Variants in FLRT2 observed in about 807,000 individuals in gnomAD.
The protein encoded by FLRT2 is leucine-rich repeat transmembrane protein FLRT2.
Under a neutral mutation model 40.0 loss-of-function variants are expected in FLRT2, and 15 were observed. The observed-to-expected ratio is 0.38, with a 90% confidence interval of 0.25 to 0.58. FLRT2 has a LOEUF of 0.58. Ranked by LOEUF, FLRT2 falls within the 20% of genes least tolerant of loss-of-function variation. The pLI is 0.71. For missense variants in FLRT2, 726 were observed against 840.0 expected (o/e 0.86, Z 1.68); for synonymous variants, 380 against 336.8 (o/e 1.13, Z -1.41).
At chr14:85,535,339 T>A in intron 1 of FLRT2, among the ~76,000 whole-genome samples, 1 of 116,218 alleles carries the variant, frequency 8.6e-6, no homozygotes, top group Admixed American at 9.3e-5. Context: ...AAATATCCAA[T>A]GAAAAGCCCC....
intron 1 of FLRT2, among the ~76,000 whole-genome samples, chr14:85,614,167 C>T (rs990061924): frequency 1.3e-5 from 2 of 152,082 alleles, no homozygotes; most frequent in East Asian, 1.9e-4. Flanking sequence ...AGAGAAGTGA[C>T]GCAGTGTGCC....
intron 1 of FLRT2, among the ~76,000 whole-genome samples, chr14:85,570,706 C>T (rs1009230806): frequency 5.9e-5 from 9 of 151,642 alleles, no homozygotes; most frequent in African/African-American, 9.7e-5. Context: ...CTCAGCCTCC[C>T]GAGTAGCTGG....
At chr14:85,559,352 A>C (rs1294937438) in intron 1 of FLRT2, 1 of 152,210 alleles carries the variant, frequency 6.6e-6, no homozygotes, top group Non-Finnish European at 1.5e-5. Context: ...ATGAACTTTG[A>C]GCTGGTCATT....
At chr14:85,613,676 C>T (rs1339073928) in intron 1 of FLRT2, among the ~76,000 whole-genome samples, 6 of 152,128 alleles carry the variant, frequency 3.9e-5, no homozygotes, top group African/African-American at 7.2e-5. Flanking sequence ...ATGCCTGCCA[C>T]GTATGGCTGT....
rs1366547270 is a variant in FLRT2, at chr14:85,634,816, A to C, written c.*11319A>C. 6.6e-6 allele frequency: 1 copy of C among 152,174 alleles called. No individual in the cohort carries two copies. Among genetic ancestry groups the C allele is most frequent in the Non-Finnish European group, 1.5e-5 (1 of 68,026 alleles). The allele number at this position is 152,174 out of a possible 1,614,324, so 9.4% of individuals were successfully genotyped here. Reference sequence around the variant, plus strand: ...TAGTGTGCAAAAAGTTGGGCTATATAACTCAAATCTCCTTTGTATCTTGGA... The same window carrying C: ...TAGTGTGCAAAAAGTTGGGCTATATCACTCAAATCTCCTTTGTATCTTGGA... On this transcript the variant is annotated 3_prime_UTR_variant, in exon 2 of 2. Transcript: ENST00000330753.
chr14:85,602,746 G>A (rs1002786144), intron 1 of FLRT2, among the ~76,000 whole-genome samples: 7 of 152,116 alleles, frequency 4.6e-5, no homozygotes, highest in Non-Finnish European at 8.8e-5. Flanking sequence ...TGTCACAAAC[G>A]GATGGTGTCT....
chr14:85,634,072 A>G lies in FLRT2; in HGVS notation c.*10575A>G, dbSNP rs574870303. 27 of 152,326 alleles carry G rather than the reference A, an allele frequency of 1.8e-4. No individual in the cohort carries two copies. The highest frequency in any genetic ancestry group is 6.3e-4 in the African/African-American group (26 of 41,566). 9.4% of individuals were successfully genotyped at this position (152,326 alleles called of 1,614,324 possible). A position where few individuals can be genotyped will look rare whatever the true frequency, so the allele number is the denominator to read the frequency against. ...AGCTGGTTGTTATTAACAGGCATGC[A>G]TCCTCTTCAGCTGGATCACGTTGTT... On this transcript the variant is annotated 3_prime_UTR_variant, in exon 2 of 2. Transcript: ENST00000330753.
chr14:85,543,091 G>A (rs1001234704), intron 1 of FLRT2, among the ~76,000 whole-genome samples: 1 of 152,152 alleles, frequency 6.6e-6, no homozygotes, highest in Non-Finnish European at 1.5e-5. Context: ...TAAGTTTAGA[G>A]TTTATTGTAA....
intron 1 of FLRT2, among the ~76,000 whole-genome samples, chr14:85,616,633 G>A (rs1252844354): frequency 4.6e-5 from 7 of 152,064 alleles, no homozygotes; most frequent in Non-Finnish European, 1.0e-4. Context: ...CTATCCTTCC[G>A]ATTTTCACAG....
chr14:85,586,982 T>C (rs1473198367), intron 1 of FLRT2, among the ~76,000 whole-genome samples: 1 of 152,174 alleles, frequency 6.6e-6, no homozygotes, highest in East Asian at 1.9e-4. Flanking sequence ...GACCAGTATA[T>C]ATTCTCCTGC....
chr14:85,639,636 G>T lies in FLRT2; in HGVS notation c.*16139G>T, dbSNP rs1894099177. On this transcript the variant is annotated 3_prime_UTR_variant, in exon 2 of 2. Coordinates refer to ENST00000330753, the MANE Select transcript of FLRT2 (RefSeq NM_013231.6). ...TTGGCTAAAATTAGAGTGTGTGTTAGTAGAATTTATATTTATAGACTATTG... is the reference window on the plus strand; with the variant it reads ...TTGGCTAAAATTAGAGTGTGTGTTATTAGAATTTATATTTATAGACTATTG... 6.6e-6 allele frequency: 1 copy of T among 151,948 alleles called. No homozygotes were observed. The highest frequency in any genetic ancestry group is 2.4e-5 in the African/African-American group (1 of 41,372). The allele number at this position is 151,948 out of a possible 1,614,324, so 9.4% of individuals were successfully genotyped here. A position where few individuals can be genotyped will look rare whatever the true frequency, so the allele number is the denominator to read the frequency against.
intron 1 of FLRT2, among the ~76,000 whole-genome samples, chr14:85,583,635 C>G (rs780256899): frequency 1.3e-5 from 2 of 152,094 alleles, no homozygotes; most frequent in African/African-American, 2.4e-5. Context: ...GCTCCTGGTC[C>G]GCTTAAAGAA....
intron 1 of FLRT2, among the ~76,000 whole-genome samples, chr14:85,571,782 G>A (rs1890903084): frequency 6.6e-6 from 1 of 152,140 alleles, no homozygotes; most frequent in Non-Finnish European, 1.5e-5. Flanking sequence ...GCTCTCAGTG[G>A]CTCTTGTTTC....
Position 85,636,346 on chromosome 14 carries a change from A to G in FLRT2, c.*12849A>G. On this transcript the variant is annotated 3_prime_UTR_variant, in exon 2 of 2. Coordinates refer to ENST00000330753, the MANE Select transcript of FLRT2 (RefSeq NM_013231.6). ...ACCTGGCAGTTTAAAGAACATCACT[A>G]ACATTGCCTAAATGTAGGAAAATCA... The G allele has an allele frequency of 6.8e-6, 1 of 148,084 alleles. No homozygotes were observed. The highest frequency in any genetic ancestry group is 2.2e-4 in the South Asian group (1 of 4,584). The allele number at this position is 148,084 out of a possible 1,614,324, so 9.2% of individuals were successfully genotyped here.
At chr14:85,608,049 G>A (rs1446017793) in intron 1 of FLRT2, among the ~76,000 whole-genome samples, 1 of 151,700 alleles carries the variant, frequency 6.6e-6, no homozygotes, top group Non-Finnish European at 1.5e-5. Flanking sequence ...CAGTCATATT[G>A]GATTAGGCCC....
intron 1 of FLRT2, among the ~76,000 whole-genome samples, chr14:85,619,188 A>G (rs1467604982): frequency 6.6e-6 from 1 of 151,478 alleles, no homozygotes; most frequent in African/African-American, 2.4e-5. Flanking sequence ...GGCTCTGGCA[A>G]TCCTCCCACC....
At chr14:85,545,600 A>ATTAG (rs1034689398) in intron 1 of FLRT2, among the ~76,000 whole-genome samples, 2 of 152,340 alleles carry the variant, frequency 1.3e-5, no homozygotes, top group South Asian at 4.1e-4. Flanking sequence ...CTAAGAAATC[A>ATTAG]TTAGTTAGTC....
intron 1 of FLRT2, among the ~76,000 whole-genome samples, chr14:85,604,933 A>G (rs2746998): frequency 0.48 from 72,379 of 151,914 alleles, 17,649 homozygotes; most frequent in East Asian, 0.77. Flanking sequence ...TAGTGCCGAC[A>G]TGATTCTTTG....
chr14:85,596,869 G>T (rs768381391), intron 1 of FLRT2, among the ~76,000 whole-genome samples: 2 of 152,154 alleles, frequency 1.3e-5, no homozygotes, highest in Non-Finnish European at 2.9e-5. Flanking sequence ...TGGCCTTAAC[G>T]ATTTGATTCT....
Sources: allele counts gnomAD v4.1 joint callset (sites outside exome capture counted in the v4.1 genomes callset), GRCh38; gene constraint gnomAD v4.1.1; transcripts MANE v1.5; gene names NCBI Gene and HGNC (gene_info 2026-07-23, HGNC 2026-07-21).